Variants in SAMD5 observed in about 807,000 individuals in gnomAD.
SAMD5 encodes the protein sterile alpha motif domain-containing protein 5.
SAMD5 carries 13 observed loss-of-function variants against 11.3 expected under a neutral mutation model. The observed-to-expected ratio is 1.15, with a 90% CI of 0.75 to 1.83. The LOEUF is 1.83. Among genes scored for constraint, SAMD5 ranks in the 40% most tolerant of loss-of-function variants. The pLI, the probability that SAMD5 is intolerant of heterozygous loss-of-function variation, is 0.00. For missense variants in SAMD5, 255 were observed against 239.1 expected, an observed-to-expected ratio of 1.07 and a Z score of -0.44; for synonymous variants, 129 against 111.3, an observed-to-expected ratio of 1.16 and a Z score of -1.00.
chr6:147,939,382 G>A, the SAMD5 span, among the ~76,000 whole-genome samples: 1 of 152,088 alleles, frequency 6.6e-6, no homozygotes, highest in East Asian at 1.9e-4. Context: ...TGGAAGGGAA[G>A]GTTGGGTAAA....
intron 1 of SAMD5, among the ~76,000 whole-genome samples, chr6:147,676,638 C>A (rs542403663): frequency 6.6e-6 from 1 of 152,238 alleles, no homozygotes; most frequent in African/African-American, 2.4e-5. Flanking sequence ...ATGCCTGGCA[C>A]ATTGTAGGCA....
At chr6:147,691,764 C>G (rs1166461749) in intron 1 of SAMD5, among the ~76,000 whole-genome samples, 2 of 152,188 alleles carry the variant, frequency 1.3e-5, no homozygotes, top group Admixed American at 1.3e-4. Flanking sequence ...ATTCTCATTT[C>G]TGAATGACAA....
chr6:147,525,128 G>C (rs758524890), intron 1 of SAMD5, among the ~76,000 whole-genome samples: 13 of 151,254 alleles, frequency 8.6e-5, no homozygotes, highest in African/African-American at 1.5e-4. Context: ...ATAGGGAGTG[G>C]GTATGTCTTA....
the SAMD5 span, among the ~76,000 whole-genome samples, chr6:147,776,999 T>G: frequency 6.6e-6 from 1 of 152,232 alleles, no homozygotes; most frequent in Non-Finnish European, 1.5e-5. Context: ...TGCCTTCTAT[T>G]AATCACCTCC....
intron 1 of SAMD5, among the ~76,000 whole-genome samples, chr6:147,604,630 C>A (rs149885139): frequency 8.5e-5 from 13 of 152,306 alleles, no homozygotes; most frequent in Non-Finnish European, 1.5e-4. Context: ...TGCCAAGGAG[C>A]TTTTGCTCAG....
the SAMD5 span, among the ~76,000 whole-genome samples, chr6:147,892,900 A>G: frequency 2.0e-5 from 3 of 152,190 alleles, no homozygotes; most frequent in African/African-American, 7.2e-5. Context: ...TTTGAATAAT[A>G]AAAACTAACA....
At chr6:147,775,829 A>G in the SAMD5 span, among the ~76,000 whole-genome samples, 14 of 152,184 alleles carry the variant, frequency 9.2e-5, no homozygotes, top group Non-Finnish European at 1.8e-4. Context: ...GTGTGATCCA[A>G]GTCAAGTTAC....
intron 1 of SAMD5, among the ~76,000 whole-genome samples, chr6:147,726,186 T>C (rs146272390): frequency 1.3e-5 from 2 of 152,248 alleles, no homozygotes; most frequent in Non-Finnish European, 2.9e-5. Context: ...AAATGGAAAA[T>C]TATCTGAAAT....
the SAMD5 span, among the ~76,000 whole-genome samples, chr6:147,932,281 G>C: frequency 6.6e-6 from 1 of 152,166 alleles, no homozygotes; most frequent in South Asian, 2.1e-4. Context: ...CTGGGTCCTA[G>C]GGTATCCTGA....
the SAMD5 span, among the ~76,000 whole-genome samples, chr6:147,849,210 A>G: frequency 1.4e-5 from 2 of 145,550 alleles, no homozygotes; most frequent in Non-Finnish European, 3.0e-5. Context: ...CCCTAAGCAT[A>G]TGATCCCTTA....
At chr6:147,908,803 G>T in the SAMD5 span, among the ~76,000 whole-genome samples, 2 of 152,172 alleles carry the variant, frequency 1.3e-5, no homozygotes, top group Non-Finnish European at 2.9e-5. Context: ...TAGTGCTGAG[G>T]ATGAGAAATA....
At chr6:147,884,364 G>A in the SAMD5 span, among the ~76,000 whole-genome samples, 11 of 152,274 alleles carry the variant, frequency 7.2e-5, no homozygotes, top group African/African-American at 2.6e-4. Context: ...GGCAGCCCCA[G>A]GTTGATTTCC....
rs375715479 is a variant in SAMD5 at position 147,688,271 on chromosome 6, T to C, written c.163-49046T>C. Among the ~76,000 whole-genome samples, 5 of 152,294 alleles carry C rather than the reference T, an allele frequency of 3.3e-5. No homozygotes were observed. In the East Asian group the frequency reaches 7.7e-4, roughly 24 times the overall value. On this transcript the variant is annotated intron_variant, in intron 1 of 1. Transcript: ENST00000566741. ...GTCACTTTATACTGCCTCTTTCTCT[T>C]GTGTTCACTTTTTGTGTTTTTCTTT...
chr6:147,900,123 C>T, the SAMD5 span, among the ~76,000 whole-genome samples: 1 of 152,152 alleles, frequency 6.6e-6, no homozygotes. Flanking sequence ...CCCTGGATGT[C>T]CTGTTGGTTT....
intron 1 of SAMD5, among the ~76,000 whole-genome samples, chr6:147,714,963 A>G (rs545935857): frequency 3.3e-5 from 5 of 152,320 alleles, no homozygotes; most frequent in African/African-American, 1.2e-4. Flanking sequence ...TTATTAATAC[A>G]TATATTTGCT....
the SAMD5 span, among the ~76,000 whole-genome samples, chr6:147,826,440 G>A: frequency 6.6e-6 from 1 of 152,128 alleles, no homozygotes; most frequent in Non-Finnish European, 1.5e-5. Context: ...AGCTCAGCAG[G>A]CTCTCTTTAA....
the SAMD5 span, among the ~76,000 whole-genome samples, chr6:147,872,427 A>T: frequency 6.6e-6 from 1 of 152,176 alleles, no homozygotes; most frequent in African/African-American, 2.4e-5. Context: ...AACTTGCTCT[A>T]TGCCAAGCAC....
the SAMD5 span, among the ~76,000 whole-genome samples, chr6:147,825,335 A>C: frequency 6.6e-5 from 10 of 152,242 alleles, no homozygotes; most frequent in Admixed American, 5.9e-4. Context: ...ACTTAGCTCC[A>C]TGTGGTCATA....
At chr6:147,588,260 T>G (rs764127619) in intron 1 of SAMD5, among the ~76,000 whole-genome samples, 6 of 151,656 alleles carry the variant, frequency 4.0e-5, no homozygotes, top group Non-Finnish European at 7.4e-5. Flanking sequence ...ATAGTTTAAT[T>G]AAATGCACAA....
Sources: allele counts gnomAD v4.1 joint callset (sites outside exome capture counted in the v4.1 genomes callset), GRCh38; gene constraint gnomAD v4.1.1; transcripts MANE v1.5; gene names NCBI Gene and HGNC (gene_info 2026-07-23, HGNC 2026-07-21).